FRMD4A: variants seen among roughly 807,000 people sequenced by gnomAD.
FRMD4A encodes the protein FERM domain containing 4A.
In FRMD4A, 29 loss-of-function variants were observed where a neutral mutation model predicts 129.1. That is an observed-to-expected ratio of 0.22 (90% CI 0.17 to 0.31). The LOEUF (loss-of-function observed/expected upper bound fraction) is 0.31. Ranked by LOEUF, FRMD4A falls within the 10% of genes least tolerant of loss-of-function variation. The pLI is 1.00. For synonymous variants in FRMD4A, 634 were observed against 571.6 expected (o/e 1.11, Z -1.56); for missense variants, 1,272 against 1,375.8 (o/e 0.92, Z 1.19).
At chr10:13,691,252 T>G (rs957333741) in intron 15 of FRMD4A, among the ~76,000 whole-genome samples, 1 of 152,302 alleles carries the variant, frequency 6.6e-6, no homozygotes, top group Non-Finnish European at 1.5e-5. Flanking sequence ...CCTCCCAAAG[T>G]GCTGGGATTA....
chr10:13,849,333 C>A (rs1038928117), intron 3 of FRMD4A, among the ~76,000 whole-genome samples: 2 of 152,186 alleles, frequency 1.3e-5, no homozygotes, highest in African/African-American at 4.8e-5. Flanking sequence ...GAGCACGCCT[C>A]GGTAGATGGC....
intron 2 of FRMD4A, among the ~76,000 whole-genome samples, chr10:13,928,798 A>G (rs981400156): frequency 6.6e-6 from 1 of 152,174 alleles, no homozygotes; most frequent in East Asian, 1.9e-4. Context: ...GCCAGCACAG[A>G]CGGCCCAGTG....
intron 2 of FRMD4A, among the ~76,000 whole-genome samples, chr10:14,141,833 T>C (rs1166555050): frequency 6.6e-6 from 1 of 152,214 alleles, no homozygotes; most frequent in Non-Finnish European, 1.5e-5. Context: ...GTGTGCCTGC[T>C]TGTGTCTGTG....
intron 15 of FRMD4A, among the ~76,000 whole-genome samples, chr10:13,675,422 G>C (rs1383228105): frequency 2.6e-5 from 4 of 152,178 alleles, no homozygotes; most frequent in Non-Finnish European, 5.9e-5. Flanking sequence ...ATCTTTGTTT[G>C]AGACAGTCTC....
intron 2 of FRMD4A, among the ~76,000 whole-genome samples, chr10:14,064,739 A>C (rs1269787087): frequency 6.6e-6 from 1 of 151,592 alleles, no homozygotes; most frequent in East Asian, 1.9e-4. Context: ...CATCACACTC[A>C]GCTATTGTTT....
chr10:13,679,799 C>T (rs893972524), intron 15 of FRMD4A, among the ~76,000 whole-genome samples: 1 of 152,174 alleles, frequency 6.6e-6, no homozygotes, highest in South Asian at 2.1e-4. Context: ...CTGATCTGAG[C>T]CTGCGGGCTG....
At chr10:13,945,832 C>T (rs1470184635) in intron 2 of FRMD4A, among the ~76,000 whole-genome samples, 3 of 152,158 alleles carry the variant, frequency 2.0e-5, no homozygotes, top group Non-Finnish European at 4.4e-5. Context: ...ATCCAGTTAT[C>T]CCCAGGAAGT....
chr10:13,822,643 G>A (rs1010020217), intron 3 of FRMD4A, among the ~76,000 whole-genome samples: 1 of 152,174 alleles, frequency 6.6e-6, no homozygotes, highest in Non-Finnish European at 1.5e-5. Context: ...CTGCGGTGCT[G>A]CACAGAGCCA....
intron 2 of FRMD4A, among the ~76,000 whole-genome samples, chr10:14,266,031 G>C (rs1289528268): frequency 6.6e-6 from 1 of 152,148 alleles, no homozygotes; most frequent in Admixed American, 6.5e-5. Context: ...GAAGACTCAA[G>C]ACTTGGAAGC....
intron 2 of FRMD4A, among the ~76,000 whole-genome samples, chr10:14,030,997 G>T (rs1339523197): frequency 1.3e-5 from 2 of 152,142 alleles, no homozygotes; most frequent in Non-Finnish European, 2.9e-5. Context: ...TGAGTGTCAG[G>T]CACACCCAGG....
At chr10:13,824,915 AAG>A (rs1309371445) in intron 3 of FRMD4A, among the ~76,000 whole-genome samples, 5 of 151,448 alleles carry the variant, frequency 3.3e-5, no homozygotes, top group Non-Finnish European at 7.4e-5. Flanking sequence ...AAAAAAAAAA[AAG>A]AGTAATCAAG....
intron 2 of FRMD4A, among the ~76,000 whole-genome samples, chr10:14,262,575 G>A (rs1366026423): frequency 6.6e-6 from 1 of 152,162 alleles, no homozygotes; most frequent in African/African-American, 2.4e-5. Flanking sequence ...GGGCTAAACT[G>A]CGCTCACCTC....
At chr10:13,714,390 CAT>C (rs2088564845) in intron 12 of FRMD4A, among the ~76,000 whole-genome samples, 1 of 150,946 alleles carries the variant, frequency 6.6e-6, no homozygotes, top group Non-Finnish European at 1.5e-5. Context: ...GGGTTGAAAT[CAT>C]ATGTCAGAGG....
intron 2 of FRMD4A, among the ~76,000 whole-genome samples, chr10:14,019,835 C>T (rs1373773275): frequency 6.6e-6 from 1 of 152,156 alleles, no homozygotes; most frequent in Non-Finnish European, 1.5e-5. Context: ...AGATTTGAGT[C>T]TGATACTGGG....
intron 2 of FRMD4A, among the ~76,000 whole-genome samples, chr10:14,299,083 C>A (rs1846101940): frequency 6.6e-6 from 1 of 152,198 alleles, no homozygotes; most frequent in African/African-American, 2.4e-5. Context: ...AGTTCTGGGA[C>A]AATGGACATT....
At chr10:13,946,653 CT>C (rs1829721344) in intron 2 of FRMD4A, among the ~76,000 whole-genome samples, 1 of 152,142 alleles carries the variant, frequency 6.6e-6, no homozygotes, top group South Asian at 2.1e-4. Context: ...CCAAATTCCA[CT>C]TCTGTTCTTT....
At chr10:14,228,660 A>C (rs1372261438) in intron 2 of FRMD4A, among the ~76,000 whole-genome samples, 1 of 152,222 alleles carries the variant, frequency 6.6e-6, no homozygotes, top group Non-Finnish European at 1.5e-5. Context: ...AATTTGAGTC[A>C]ACTTGCAACC....
chr10:13,654,584 G>T, intron 22 of FRMD4A, 72 bp from the exon 23 acceptor site: 1 of 946,324 alleles, frequency 1.1e-6, no homozygotes, highest in Non-Finnish European at 1.7e-6. Flanking sequence ...CTTGCGACTT[G>T]TTGGCTGACA....
intron 7 of FRMD4A, among the ~76,000 whole-genome samples, chr10:13,762,395 A>G (rs1451933866): frequency 3.9e-5 from 6 of 152,154 alleles, no homozygotes; most frequent in Admixed American, 6.5e-5. Context: ...TAAACACACA[A>G]CTTCGCTTTA....
Sources: gnomAD v4.1 joint callset for allele counts (sites outside exome capture counted in the v4.1 genomes callset) on GRCh38, gnomAD v4.1.1 for gene constraint, MANE v1.5 for transcripts, NCBI Gene and HGNC (gene_info 2026-07-23, HGNC 2026-07-21) for gene names.